The following RBPMS variants were observed in gnomAD, a reference collection of about 807,000 sequenced individuals.
The protein encoded by RBPMS is RNA-binding protein with multiple splicing.
Under a neutral mutation model 26.8 loss-of-function variants are expected in RBPMS, and 7 were observed. The observed-to-expected ratio is 0.26, with a 90% CI of 0.15 to 0.49. The LOEUF (loss-of-function observed/expected upper bound fraction) is 0.49. Ranked by LOEUF, RBPMS falls within the 20% of genes least tolerant of loss-of-function variation. The probability of loss-of-function intolerance (pLI) is 0.98; values close to 1 mark genes in which losing one functional copy is unlikely to be tolerated. For missense variants in RBPMS, 186 were observed against 250.0 expected, an observed-to-expected ratio of 0.74 and a Z score of 1.73; for synonymous variants, 96 against 93.3, an observed-to-expected ratio of 1.03 and a Z score of -0.17.
intron 4 of RBPMS, among the ~76,000 whole-genome samples, chr8:30,481,371 C>A (rs1037972387): frequency 2.0e-5 from 3 of 152,104 alleles, no homozygotes; most frequent in African/African-American, 7.2e-5. Flanking sequence ...AACATAATTT[C>A]AATTTTTCTT....
intron 6 of RBPMS, chr8:30,552,282 A>G (rs999567484): frequency 2.0e-5 from 3 of 152,200 alleles, no homozygotes; most frequent in African/African-American, 7.2e-5. Context: ...CTGCTTTGGA[A>G]ACAAAACCAA....
intron 4 of RBPMS, among the ~76,000 whole-genome samples, chr8:30,503,413 A>C (rs1009673321): frequency 4.7e-5 from 7 of 150,350 alleles, no homozygotes; most frequent in East Asian, 1.9e-4. Flanking sequence ...CGCCACGCCC[A>C]GCTAATTTTT....
intron 1 of RBPMS, among the ~76,000 whole-genome samples, chr8:30,458,150 A>G (rs1815449775): frequency 6.6e-6 from 1 of 152,206 alleles, no homozygotes; most frequent in Non-Finnish European, 1.5e-5. Flanking sequence ...GGTATACTAT[A>G]ATGTTTAGGG....
chr8:30,478,267 CA>C (rs1282593839), intron 3 of RBPMS, among the ~76,000 whole-genome samples: 1 of 151,968 alleles, frequency 6.6e-6, no homozygotes, highest in East Asian at 1.9e-4. Context: ...AGAGAACGTA[CA>C]AAATGGAAGT....
At chr8:30,462,021 G>A (rs11993146) in intron 1 of RBPMS, among the ~76,000 whole-genome samples, 29,653 of 152,066 alleles carry the variant, frequency 0.2, 3,265 homozygotes, top group South Asian at 0.39. Flanking sequence ...GCTTGTATTA[G>A]TAGTTTATTT....
At chr8:30,489,432 GT>G (rs1819137513) in intron 4 of RBPMS, among the ~76,000 whole-genome samples, 2 of 152,068 alleles carry the variant, frequency 1.3e-5, no homozygotes, top group African/African-American at 4.8e-5. Context: ...CAAAGGACTG[GT>G]TTTTATTCCT....
chr8:30,563,399 A>G (rs1827650652), intron 7 of RBPMS, among the ~76,000 whole-genome samples: 2 of 152,134 alleles, frequency 1.3e-5, no homozygotes, highest in Non-Finnish European at 2.9e-5. Context: ...CGCTGCTGTC[A>G]CTCCTTACAT....
chr8:30,546,919 C>T (rs1377793043), intron 6 of RBPMS, among the ~76,000 whole-genome samples: 1 of 152,204 alleles, frequency 6.6e-6, no homozygotes, highest in Non-Finnish European at 1.5e-5. Context: ...AGGTCACCTG[C>T]CTCCCAGGCC....
intron 1 of RBPMS, chr8:30,446,820 T>A (rs1813853749): frequency 1.0e-5 from 1 of 96,418 alleles, no homozygotes; most frequent in African/African-American, 5.3e-5. Flanking sequence ...TGTGTGTGTG[T>A]GTGTGTGTGT....
intron 1 of RBPMS, among the ~76,000 whole-genome samples, chr8:30,463,861 C>T (rs1056517785): frequency 2.0e-5 from 3 of 152,170 alleles, no homozygotes; most frequent in Admixed American, 6.5e-5. Context: ...AATGCATATT[C>T]GAACTCACAA....
At chr8:30,569,077 A>AT (rs1828092023) in intron 8 of RBPMS, among the ~76,000 whole-genome samples, 2 of 152,248 alleles carry the variant, frequency 1.3e-5, no homozygotes, top group East Asian at 3.9e-4. Context: ...GAGCCACCAT[A>AT]TCCCCCTCAT....
chr8:30,501,361 C>T (rs1283515697), intron 4 of RBPMS, among the ~76,000 whole-genome samples: 1 of 149,166 alleles, frequency 6.7e-6, no homozygotes. Flanking sequence ...TACTCTTCAT[C>T]ACTTCCTCTG....
intron 6 of RBPMS, chr8:30,547,409 G>T (rs776036398): frequency 6.2e-7 from 1 of 1,600,608 alleles, no homozygotes. Flanking sequence ...CCAGCAGAGG[G>T]AGCTCCCATG....
At chr8:30,459,285 T>G (rs78625912) in intron 1 of RBPMS, among the ~76,000 whole-genome samples, 6 of 150,390 alleles carry the variant, frequency 4.0e-5, no homozygotes, top group South Asian at 2.1e-4. Flanking sequence ...TTGTTTGTGG[T>G]TTTTTTTTGT....
intron 6 of RBPMS, chr8:30,556,248 G>A (rs768615498): frequency 3.0e-6 from 3 of 985,322 alleles, no homozygotes; most frequent in African/African-American, 1.7e-5. Flanking sequence ...CTCCTCAGCT[G>A]AGCACAGCCT....
intron 6 of RBPMS, 71 bp from the exon 7 acceptor site, chr8:30,558,816 G>T (rs762369441): frequency 3.0e-6 from 4 of 1,325,822 alleles, no homozygotes; most frequent in South Asian, 1.2e-5. Context: ...TGGTAGCCAA[G>T]CAGGACCCTC....
intron 1 of RBPMS, among the ~76,000 whole-genome samples, chr8:30,471,427 T>C (rs1286411139): frequency 1.3e-5 from 2 of 152,332 alleles, no homozygotes; most frequent in East Asian, 3.9e-4. Flanking sequence ...TAGTTTATTT[T>C]CTAGGTTAAC....
At chr8:30,529,106 A>G (rs1823916179) in intron 5 of RBPMS, among the ~76,000 whole-genome samples, 1 of 152,016 alleles carries the variant, frequency 6.6e-6, no homozygotes, top group Non-Finnish European at 1.5e-5. Flanking sequence ...TGTGGTCCCA[A>G]CTACTCAGGA....
intron 6 of RBPMS, chr8:30,549,531 A>G (rs1826124013): frequency 1.9e-6 from 3 of 1,613,932 alleles, no homozygotes; most frequent in Admixed American, 3.3e-5. Flanking sequence ...AGGAGAAGCC[A>G]CCCCTTGAGC....
Sources: gnomAD v4.1 joint callset for allele counts (sites outside exome capture counted in the v4.1 genomes callset) on GRCh38, gnomAD v4.1.1 for gene constraint, MANE v1.5 for transcripts, NCBI Gene and HGNC (gene_info 2026-07-23, HGNC 2026-07-21) for gene names.